Variants in FAF1 observed in about 807,000 individuals in gnomAD.
FAF1 encodes the protein FAS-associated factor 1.
Under a neutral mutation model 92.5 loss-of-function variants are expected in FAF1, and 25 were observed. That is an observed-to-expected ratio of 0.27 (90% CI 0.20 to 0.38). The LOEUF is 0.38. Among genes scored for constraint, FAF1 ranks in the 10% least tolerant of loss-of-function variants. The probability of loss-of-function intolerance (pLI) is 1.00; values close to 1 mark genes in which losing one functional copy is unlikely to be tolerated. For synonymous variants in FAF1, 234 were observed against 273.2 expected (o/e 0.86, Z 1.42); for missense variants, 636 against 793.3 (o/e 0.80, Z 2.38).
chr1:50,898,954 C>T (rs1644776107), intron 1 of FAF1, among the ~76,000 whole-genome samples: 1 of 152,118 alleles, frequency 6.6e-6, no homozygotes, highest in South Asian at 2.1e-4. Context: ...CTCTCCCCTC[C>T]CATTTCTGCC....
chr1:50,655,711 G>A (rs1655075734), intron 7 of FAF1, among the ~76,000 whole-genome samples, 183 bp from the exon 8 acceptor site: 1 of 152,100 alleles, frequency 6.6e-6, no homozygotes, highest in South Asian at 2.1e-4. Flanking sequence ...TTTAAAAGCA[G>A]ATTCTCAATG....
chr1:50,783,359 G>C (rs1406275115), intron 4 of FAF1, among the ~76,000 whole-genome samples: 4 of 152,098 alleles, frequency 2.6e-5, no homozygotes, highest in Non-Finnish European at 5.9e-5. Flanking sequence ...TCTTTCACGA[G>C]GCCAGCATTA....
At chr1:50,773,330 G>C (rs1660837018) in intron 4 of FAF1, among the ~76,000 whole-genome samples, 1 of 152,128 alleles carries the variant, frequency 6.6e-6, no homozygotes, top group South Asian at 2.1e-4. Flanking sequence ...CCACTTCTGA[G>C]TCTGCAGCCA....
chr1:50,545,935 G>T (rs1001624663), intron 13 of FAF1, among the ~76,000 whole-genome samples: 1 of 152,226 alleles, frequency 6.6e-6, no homozygotes, highest in Non-Finnish European at 1.5e-5. Flanking sequence ...GGCCAAGGTG[G>T]GGGGAGGAAA....
chr1:50,874,464 T>C (rs967827297), intron 1 of FAF1, among the ~76,000 whole-genome samples: 11 of 151,960 alleles, frequency 7.2e-5, no homozygotes, highest in African/African-American at 2.7e-4. Context: ...TAAACTCAAG[T>C]GATCCTCCCA....
intron 8 of FAF1, among the ~76,000 whole-genome samples, chr1:50,632,493 T>C (rs1405018201): frequency 6.6e-6 from 1 of 152,234 alleles, no homozygotes; most frequent in African/African-American, 2.4e-5. Context: ...AACACATCTA[T>C]TCTTTTTAAT....
intron 8 of FAF1, among the ~76,000 whole-genome samples, chr1:50,611,532 A>G (rs1413379665): frequency 6.6e-6 from 1 of 152,204 alleles, no homozygotes; most frequent in Non-Finnish European, 1.5e-5. Flanking sequence ...TGCGGATAGC[A>G]GATTTTAAAA....
At chr1:50,739,385 T>C (rs1366449100) in intron 5 of FAF1, among the ~76,000 whole-genome samples, 1,962 of 142,686 alleles carry the variant, frequency 0.014, 42 homozygotes, top group African/African-American at 0.053. Flanking sequence ...CATATACATA[T>C]ATGTGTGTTT....
intron 1 of FAF1, among the ~76,000 whole-genome samples, chr1:50,911,450 C>A (rs780813718): frequency 2.6e-5 from 4 of 151,594 alleles, no homozygotes; most frequent in Non-Finnish European, 5.9e-5. Flanking sequence ...GATCCCAGCA[C>A]TCTGGGAGGC....
intron 7 of FAF1, among the ~76,000 whole-genome samples, chr1:50,655,791 T>A (rs1234120938): frequency 1.3e-5 from 2 of 152,204 alleles, no homozygotes; most frequent in Non-Finnish European, 2.9e-5. Context: ...TGACTTCATT[T>A]CTTTTCAGTC....
intron 6 of FAF1, among the ~76,000 whole-genome samples, chr1:50,724,312 C>T (rs111752464): frequency 1.9e-5 from 2 of 104,986 alleles, no homozygotes; most frequent in South Asian, 2.8e-4. Context: ...CACACACACA[C>T]ACACACACAC....
At chr1:50,552,314 A>C (rs749104270) in intron 13 of FAF1, among the ~76,000 whole-genome samples, 1 of 151,470 alleles carries the variant, frequency 6.6e-6, no homozygotes, top group Non-Finnish European at 1.5e-5. Flanking sequence ...AAAAAAAAAA[A>C]CTTCAGCTAG....
At chr1:50,890,881 T>C (rs577038190) in intron 1 of FAF1, among the ~76,000 whole-genome samples, 1 of 152,186 alleles carries the variant, frequency 6.6e-6, no homozygotes, top group Non-Finnish European at 1.5e-5. Context: ...ACGTTCTCTG[T>C]ATTTCCTGAA....
chr1:50,762,176 A>T (rs1660354718), intron 4 of FAF1, among the ~76,000 whole-genome samples: 1 of 152,104 alleles, frequency 6.6e-6, no homozygotes, highest in African/African-American at 2.4e-5. Context: ...ACCACTGCTC[A>T]GTGAAATAAA....
At chr1:50,532,435 T>C (rs1385720061) in intron 15 of FAF1, among the ~76,000 whole-genome samples, 1 of 152,232 alleles carries the variant, frequency 6.6e-6, no homozygotes, top group African/African-American at 2.4e-5. Context: ...ACTCAAGATT[T>C]AAATGGCTGA....
intron 8 of FAF1, among the ~76,000 whole-genome samples, chr1:50,599,275 G>C (rs1478618387): frequency 6.6e-6 from 1 of 152,098 alleles, no homozygotes; most frequent in Non-Finnish European, 1.5e-5. Flanking sequence ...ACCATGCCTG[G>C]CTAATTTTTG....
chr1:50,733,722 A>G (rs561315071), intron 6 of FAF1, among the ~76,000 whole-genome samples: 1 of 152,256 alleles, frequency 6.6e-6, no homozygotes, highest in South Asian at 2.1e-4. Context: ...CATCTTGGAG[A>G]TTTCCAAACT....
intron 2 of FAF1, among the ~76,000 whole-genome samples, chr1:50,850,821 A>T (rs1468908078): frequency 6.6e-6 from 1 of 152,142 alleles, no homozygotes; most frequent in Non-Finnish European, 1.5e-5. Flanking sequence ...ATGAACAGGA[A>T]TTTTAACTGT....
intron 1 of FAF1, among the ~76,000 whole-genome samples, chr1:50,877,070 G>A (rs1644577607): frequency 6.6e-6 from 1 of 152,174 alleles, no homozygotes; most frequent in Non-Finnish European, 1.5e-5. Flanking sequence ...CAAGGAGGTT[G>A]AGTATAATTT....
Sources: gnomAD v4.1 joint callset for allele counts (sites outside exome capture counted in the v4.1 genomes callset) on GRCh38, gnomAD v4.1.1 for gene constraint, MANE v1.5 for transcripts, NCBI Gene and HGNC (gene_info 2026-07-23, HGNC 2026-07-21) for gene names.